Variants in CKAP5 observed in about 807,000 individuals in gnomAD.
CKAP5 encodes cytoskeleton-associated protein 5.
Under a neutral mutation model 232.8 loss-of-function variants are expected in CKAP5, and 27 were observed. The ratio of observed to expected loss-of-function variants is 0.12; its 90% confidence interval spans 0.09 to 0.16. The LOEUF is 0.16. Among genes scored for constraint, CKAP5 ranks in the 10% least tolerant of loss-of-function variants. The pLI, the probability that CKAP5 is intolerant of heterozygous loss-of-function variation, is 1.00. For synonymous variants in CKAP5, 785 were observed against 841.1 expected (o/e 0.93, Z 1.16); for missense variants, 1,838 against 2,424.7 (o/e 0.76, Z 5.08).
chr11:46,772,975 C>T (rs1441791707), intron 24 of CKAP5, among the ~76,000 whole-genome samples: 2 of 152,108 alleles, frequency 1.3e-5, no homozygotes, highest in African/African-American at 2.4e-5. Context: ...CTCTTGACCT[C>T]GTGATCTGCC....
chr11:46,787,996 T>C (rs905815761), intron 16 of CKAP5, among the ~76,000 whole-genome samples: 8 of 152,198 alleles, frequency 5.3e-5, no homozygotes, highest in African/African-American at 1.9e-4. Context: ...ATAGTAAATA[T>C]GTTTTCTCTT....
chr11:46,807,070 G>A (rs939203897), intron 8 of CKAP5, among the ~76,000 whole-genome samples: 2 of 152,136 alleles, frequency 1.3e-5, no homozygotes, highest in Non-Finnish European at 2.9e-5. Context: ...AAATATATGC[G>A]TTAGGAAAAG....
At chr11:46,823,960 A>G (rs528385820) in intron 1 of CKAP5, among the ~76,000 whole-genome samples, 3 of 152,178 alleles carry the variant, frequency 2.0e-5, no homozygotes, top group Non-Finnish European at 4.4e-5. Flanking sequence ...CTCTGGTAAT[A>G]TCTATTCTGA....
At chr11:46,814,990 A>C (rs755905895) in intron 4 of CKAP5, among the ~76,000 whole-genome samples, 5 of 152,204 alleles carry the variant, frequency 3.3e-5, no homozygotes, top group Non-Finnish European at 5.9e-5. Flanking sequence ...TAGTTTTCCA[A>C]CAAAAGGCCA....
chr11:46,841,821 C>T (rs1940060944), intron 1 of CKAP5, among the ~76,000 whole-genome samples: 1 of 151,850 alleles, frequency 6.6e-6, no homozygotes, highest in Admixed American at 6.6e-5. Flanking sequence ...AACAGTGAAA[C>T]TCCATCTCTA....
chr11:46,762,514 G>GT, intron 31 of CKAP5, 113 bp downstream of exon 31: 1 of 1,291,918 alleles, frequency 7.7e-7, no homozygotes, highest in Non-Finnish European at 1.1e-6. Context: ...AAATCAGGAG[G>GT]TTGGAATCAA....
intron 40 of CKAP5, among the ~76,000 whole-genome samples, 199 bp downstream of exon 40, chr11:46,750,919 A>G (rs766149470): frequency 6.6e-6 from 1 of 152,232 alleles, no homozygotes; most frequent in African/African-American, 2.4e-5. Flanking sequence ...GGGACCAAAA[A>G]ACACATGGTT....
chr11:46,756,576 T>C (rs1037446253), intron 35 of CKAP5, among the ~76,000 whole-genome samples: 19 of 152,200 alleles, frequency 1.2e-4, no homozygotes, highest in African/African-American at 4.1e-4. Context: ...GAAATTAACA[T>C]TGATGTTACT....
In CKAP5 at chr11:46,799,501, T is replaced by C. The variant is rs1267875642; in HGVS notation, c.1084-1329A>G. On this transcript the variant is annotated intron_variant, in intron 9 of 43. Transcript: ENST00000529230. ...CTTTTATAAATATTGCCAAAAAGTT[T>C]GTAAACATTTAAAGAAAATAAAGCC... Among the ~76,000 whole-genome samples, 3 of 152,336 alleles carry C rather than the reference T, an allele frequency of 2.0e-5. No homozygotes were observed. The South Asian group carries it at 6.2e-4, about 32-fold the overall frequency.
rs552776296 is a variant in CKAP5 at position 46,798,030 on chromosome 11, A to G, written c.1173+53T>C. The stretch of plus-strand genomic sequence containing the variant: ...AATTGTAAAGAACAATCAAAATATT[A>G]TATTTACAAACTTTACTTCAGATAA... On this transcript the variant is annotated intron_variant, in intron 10 of 43. Transcript: ENST00000529230. 47 of 1,604,332 alleles carry G rather than the reference A, an allele frequency of 2.9e-5. No individual in the cohort carries two copies. The South Asian group carries it at 4.5e-4, about 15-fold the overall frequency.
intron 24 of CKAP5, among the ~76,000 whole-genome samples, chr11:46,772,733 C>CTTTTTT (rs139098308): frequency 1.4e-5 from 2 of 145,638 alleles, no homozygotes. Context: ...AGTGATTCCT[C>CTTTTTT]TTTTTTTTTT....
At chr11:46,815,384 C>G (rs1431112941) in intron 4 of CKAP5, among the ~76,000 whole-genome samples, 1 of 151,920 alleles carries the variant, frequency 6.6e-6, no homozygotes. Context: ...GGGTCTTGCT[C>G]TCTCACCCAG....
rs77467400 is a variant in CKAP5 at position 46,800,519 on chromosome 11, T to A, written c.1083+681A>T. ...GTCAATTTTTAGGATGCTGAGCCAT[T>A]CTTAGTAATGCAGACCGGATTTAGA... On this transcript the variant is annotated intron_variant, in intron 9 of 43. Transcript: ENST00000529230. Among the ~76,000 whole-genome samples the A allele has an allele frequency of 3.9e-4, 60 of 152,306 alleles. No individual in the cohort carries two copies. In the East Asian group the frequency reaches 0.011, roughly 28 times the overall value.
intron 1 of CKAP5, among the ~76,000 whole-genome samples, chr11:46,826,088 A>C (rs1939645291): frequency 6.6e-6 from 1 of 152,220 alleles, no homozygotes; most frequent in Admixed American, 6.5e-5. Context: ...CTAGCAGATT[A>C]TCTCAAACTT....
chr11:46,758,783 C>G, intron 35 of CKAP5, 140 bp downstream of exon 35: 1 of 874,664 alleles, frequency 1.1e-6, no homozygotes, highest in Non-Finnish European at 1.7e-6. Context: ...CTGAGTGGCA[C>G]CTGTGCATTT....
In CKAP5 at chr11:46,762,192, C is replaced by T. The variant is rs532822049; in HGVS notation, c.4029G>A (p.Glu1343=). 3 of 1,613,300 alleles carry T rather than the reference C, an allele frequency of 1.9e-6. No individual in the cohort carries two copies. Among genetic ancestry groups the T allele is most frequent in the Admixed American group, 1.7e-5 (1 of 59,920 alleles). ...CCAGACATCCCAGCTCTTCCAGGCA[C>T]TCTGATGGGGGAGAAAGGCTAGATT... The part of the protein sequence containing the change: ...TKSKNSKQRA[E]CLEELGCLVE... Residue 1343 remains glutamate, a splice_region_variant and synonymous_variant, in exon 32 of 44, where the codon GAG becomes GAA. Transcript: ENST00000529230.
chr11:46,798,572 C>T (rs1309380325), intron 9 of CKAP5, among the ~76,000 whole-genome samples: 1 of 150,096 alleles, frequency 6.7e-6, no homozygotes, highest in Admixed American at 6.6e-5. Context: ...ACAGCAAGAC[C>T]CTGTCTTCCA....
Position 46,759,347 on chromosome 11 carries a change from G to A in CKAP5, c.4490C>T (p.Thr1497Ile), listed in dbSNP as rs749004307. 1.2e-6 allele frequency: 2 copies of A among 1,614,092 alleles called. No individual in the cohort carries two copies. The highest frequency in any genetic ancestry group is 2.2e-5 in the East Asian group (1 of 44,870). ...AAGTTCTGGCATTTCACATCGGACTGTACCATTGTCATTCTCAATCTCATC... is the reference window on the plus strand; with the variant it reads ...AAGTTCTGGCATTTCACATCGGACTATACCATTGTCATTCTCAATCTCATC... ...DLDEIENDNGTVRCEMPELVQ... is the reference protein window; with the variant it reads ...DLDEIENDNGIVRCEMPELVQ... Residue 1497 changes from threonine to isoleucine, a missense_variant, in exon 34 of 44, where the codon ACA becomes ATA. Thr to Ile is a moderately conservative substitution (Grantham distance 89). Transcript: ENST00000529230.
intron 4 of CKAP5, among the ~76,000 whole-genome samples, chr11:46,814,886 A>G (rs1407531493): frequency 6.6e-6 from 1 of 152,170 alleles, no homozygotes; most frequent in East Asian, 1.9e-4. Flanking sequence ...TTAGTCCACA[A>G]ACTTTATCTT....
Sources: allele counts gnomAD v4.1 joint callset (sites outside exome capture counted in the v4.1 genomes callset), GRCh38; gene constraint gnomAD v4.1.1; transcripts MANE v1.5; gene names NCBI Gene and HGNC (gene_info 2026-07-23, HGNC 2026-07-21).